The following ANKRD44 variants were observed in gnomAD, a reference collection of about 807,000 sequenced individuals.
The protein encoded by ANKRD44 is ankyrin repeat domain 44.
Under a neutral mutation model 116.0 loss-of-function variants are expected in ANKRD44, and 35 were observed. The ratio of observed to expected loss-of-function variants is 0.30; its 90% CI spans 0.23 to 0.40. ANKRD44 has a LOEUF of 0.40. ANKRD44 is among the 10% of genes least tolerant of loss of function. The pLI, the probability that ANKRD44 is intolerant of heterozygous loss-of-function variation, is 1.00. For synonymous variants in ANKRD44, 435 were observed against 461.8 expected (o/e 0.94, Z 0.74); for missense variants, 1,014 against 1,242.6 (o/e 0.82, Z 2.77).
At chr2:197,023,408 T>C (rs1306648591) in intron 17 of ANKRD44, among the ~76,000 whole-genome samples, 1 of 152,182 alleles carries the variant, frequency 6.6e-6, no homozygotes, top group South Asian at 2.1e-4. Context: ...ATGAAAAGAA[T>C]GGCAGCTAGG....
At chr2:197,062,343 G>A (rs1269508138) in intron 16 of ANKRD44, among the ~76,000 whole-genome samples, 3 of 152,154 alleles carry the variant, frequency 2.0e-5, no homozygotes, top group African/African-American at 7.2e-5. Flanking sequence ...TATGGCACTG[G>A]GTATTGAATA....
At chr2:197,071,267 A>T (rs2077552971) in intron 16 of ANKRD44, among the ~76,000 whole-genome samples, 1 of 152,090 alleles carries the variant, frequency 6.6e-6, no homozygotes, top group Admixed American at 6.6e-5. Context: ...CTCTCTCCAG[A>T]TTCTTGAGGT....
Position 197,086,674 on chromosome 2 carries a change from A to G in ANKRD44, c.1316+6T>C, listed in dbSNP as rs1458216979. 6.2e-7 allele frequency: 1 copy of G among 1,613,478 alleles called. No individual in the cohort carries two copies. Among genetic ancestry groups the G allele is most frequent in the Non-Finnish European group, 8.5e-7 (1 of 1,179,432 alleles). ...GCACTTGAAGCACAACTCTCTGATT[A>G]CATACCTCCCACACTTGTCCTTTTT... On this transcript the variant is annotated splice_donor_region_variant and intron_variant, in intron 13 of 27. Coordinates refer to ENST00000282272, the MANE Select transcript of ANKRD44 (RefSeq NM_001195144.2).
At chr2:197,158,158 G>T (rs1317813350) in intron 2 of ANKRD44, among the ~76,000 whole-genome samples, 2 of 152,188 alleles carry the variant, frequency 1.3e-5, no homozygotes. Flanking sequence ...ATCATCAGGA[G>T]CTTCTGATGA....
Position 196,988,603 on chromosome 2 carries a change from C to T in ANKRD44, c.*988G>A, listed in dbSNP as rs573144603. On this transcript the variant is annotated 3_prime_UTR_variant, in exon 28 of 28. Transcript: ENST00000282272. ...TAGATGAAAAATATAATACAGTTATCTGTCTTTGATCCAGATATGATAGAA... is the reference window on the plus strand; with the variant it reads ...TAGATGAAAAATATAATACAGTTATTTGTCTTTGATCCAGATATGATAGAA... 1.0e-4 allele frequency: 103 copies of T among 984,174 alleles called. 2 individuals carry two copies. In the East Asian group the frequency reaches 8.6e-3, roughly 82 times the overall value. 61.0% of individuals were successfully genotyped at this position (984,174 alleles called of 1,614,324 possible).
intron 21 of ANKRD44, among the ~76,000 whole-genome samples, chr2:196,972,994 A>G (rs2075726053): frequency 6.6e-6 from 1 of 152,212 alleles, no homozygotes; most frequent in Non-Finnish European, 1.5e-5. Context: ...CTTAGATAAA[A>G]TAAAGGTGCA....
chr2:196,981,695 G>A (rs865870013), downstream of ANKRD44, among the ~76,000 whole-genome samples: 9 of 152,138 alleles, frequency 5.9e-5, no homozygotes, highest in East Asian at 1.9e-4. Context: ...CAGGAGAATC[G>A]CTTGACCCTG....
chr2:197,085,740 C>T (rs2077906237), intron 13 of ANKRD44, among the ~76,000 whole-genome samples: 1 of 152,156 alleles, frequency 6.6e-6, no homozygotes, highest in Non-Finnish European at 1.5e-5. Flanking sequence ...AATGGGCCAC[C>T]AGCAGCCCTT....
At chr2:197,034,566 G>A (rs149626728) in intron 16 of ANKRD44, among the ~76,000 whole-genome samples, 55 of 150,640 alleles carry the variant, frequency 3.7e-4, no homozygotes, top group African/African-American at 1.1e-3. Flanking sequence ...CTATTAAAAT[G>A]TCTGCCTTAA....
chr2:197,005,894 T>A lies in ANKRD44; in HGVS notation c.2147A>T (p.Glu716Val). 1 of 1,614,212 alleles carries A rather than the reference T, an allele frequency of 6.2e-7. No homozygotes were observed. The highest frequency in any genetic ancestry group is 8.5e-7 in the Non-Finnish European group (1 of 1,180,022). The change falls in exon 21 of 28, where the codon GAG becomes GTG. Residue 716 changes from glutamate (E) to valine (V), a missense_variant. Transcript: ENST00000282272. ...ALHRGIMTGH[E>V]ECVQMLLEQE... ...TTCCAGCAGCATTTGCACACATTCCTCGTGTCCTGTCATAATCTGATGCAT... is the reference window on the plus strand; with the variant it reads ...TTCCAGCAGCATTTGCACACATTCCACGTGTCCTGTCATAATCTGATGCAT...
chr2:197,020,667 C>T (rs2076478715), intron 17 of ANKRD44, among the ~76,000 whole-genome samples: 1 of 152,068 alleles, frequency 6.6e-6, no homozygotes, highest in African/African-American at 2.4e-5. Context: ...TAGTTTGTAG[C>T]TCCTGAATTT....
intron 2 of ANKRD44, among the ~76,000 whole-genome samples, chr2:197,163,277 A>G (rs1353900833): frequency 6.6e-6 from 1 of 152,182 alleles, no homozygotes; most frequent in East Asian, 1.9e-4. Flanking sequence ...TTCCACAGCA[A>G]CGATGCTCAC....
At chr2:197,036,772 T>G (rs2076816301) in intron 16 of ANKRD44, among the ~76,000 whole-genome samples, 1 of 152,204 alleles carries the variant, frequency 6.6e-6, no homozygotes, top group Admixed American at 6.5e-5. Context: ...GAATGCAACA[T>G]GCAAAATGCA....
chr2:197,041,930 T>A (rs1395792620), intron 16 of ANKRD44, among the ~76,000 whole-genome samples: 3 of 152,180 alleles, frequency 2.0e-5, no homozygotes, highest in Non-Finnish European at 4.4e-5. Context: ...CCAAAGTTCA[T>A]ACAATTTCAT....
rs149735262 is a variant in ANKRD44, at chr2:197,086,181, T to C, written c.1316+499A>G. On this transcript the variant is annotated intron_variant, in intron 13 of 27. Coordinates refer to ENST00000282272, the MANE Select transcript of ANKRD44 (RefSeq NM_001195144.2). ...AAATTATATATATACATGAAAAATA[T>C]ATATCCATGTACCAGCTAGCATCAT... Among the ~76,000 whole-genome samples the C allele has an allele frequency of 2.6e-3, 396 of 152,104 alleles. 1 individual carries two copies. Among genetic ancestry groups the C allele is most frequent in the African/African-American group, 9.0e-3 (372 of 41,486 alleles).
chr2:196,979,929 A>C (rs1249783175), intron 21 of ANKRD44, among the ~76,000 whole-genome samples: 1 of 152,126 alleles, frequency 6.6e-6, no homozygotes, highest in Non-Finnish European at 1.5e-5. Flanking sequence ...CATCTTAGCA[A>C]CACTGTCCCC....
At position 196,993,773 on chromosome 2, in the gene ANKRD44, C is replaced by T. The variant is rs2075962754; in HGVS notation, c.2832-99G>A. On this transcript the variant is annotated intron_variant, in intron 26 of 27. Transcript: ENST00000282272. Reference sequence around the variant, plus strand: ...TCACTAAAAGGAAGAAGTACTTAGACTCTACAAATAGTACATGGATGTTTT... The same window carrying T: ...TCACTAAAAGGAAGAAGTACTTAGATTCTACAAATAGTACATGGATGTTTT... The T allele has an allele frequency of 4.5e-5, 42 of 941,832 alleles. No individual in the cohort carries two copies. The South Asian group carries it at 5.7e-4, about 13-fold the overall frequency. The allele number at this position is 941,832 out of a possible 1,614,324, so 58.3% of individuals were successfully genotyped here.
At chr2:197,166,100 G>T (rs1455641188) in intron 2 of ANKRD44, among the ~76,000 whole-genome samples, 1 of 152,126 alleles carries the variant, frequency 6.6e-6, no homozygotes, top group South Asian at 2.1e-4. Flanking sequence ...TGTTACAGAG[G>T]TTTGTAAAAT....
chr2:197,232,593 T>A (rs2081889872), intron 1 of ANKRD44, among the ~76,000 whole-genome samples: 1 of 152,168 alleles, frequency 6.6e-6, no homozygotes, highest in Non-Finnish European at 1.5e-5. Context: ...TTTTTGAAAA[T>A]CTCTTTTTAA....
Sources: allele counts gnomAD v4.1 joint callset (sites outside exome capture counted in the v4.1 genomes callset), GRCh38; gene constraint gnomAD v4.1.1; transcripts MANE v1.5; gene names NCBI Gene and HGNC (gene_info 2026-07-23, HGNC 2026-07-21).